Variants in TNIK observed in about 807,000 individuals in gnomAD.
TNIK encodes TRAF2 and NCK interacting kinase.
TNIK carries 49 observed loss-of-function variants against 191.3 expected under a neutral mutation model. That is an observed-to-expected ratio of 0.26 (90% CI 0.20 to 0.32). The LOEUF (loss-of-function observed/expected upper bound fraction) is 0.32, where lower values mean the gene tolerates loss of function less well. TNIK is among the 10% of genes least tolerant of loss of function. The pLI is 1.00. For synonymous variants in TNIK, 594 were observed against 600.9 expected (o/e 0.99, Z 0.17); for missense variants, 1,155 against 1,702.3 (o/e 0.68, Z 5.66).
At chr3:171,416,646 A>C (rs1352209696) in intron 1 of TNIK, among the ~76,000 whole-genome samples, 1 of 152,196 alleles carries the variant, frequency 6.6e-6, no homozygotes, top group Non-Finnish European at 1.5e-5. Flanking sequence ...TTCCATATAT[A>C]TCATGTCCTT....
chr3:171,140,298 G>A (rs1730630043), intron 13 of TNIK, 101 bp downstream of exon 13: 7 of 977,342 alleles, frequency 7.2e-6, no homozygotes, highest in Non-Finnish European at 1.0e-5. Flanking sequence ...AAAAACCCAT[G>A]TAAACTGAGC....
chr3:171,290,359 A>G (rs1287692993), intron 2 of TNIK, among the ~76,000 whole-genome samples: 2 of 152,238 alleles, frequency 1.3e-5, no homozygotes, highest in Non-Finnish European at 2.9e-5. Flanking sequence ...CATTAACTAC[A>G]GAGAGGGTTA....
chr3:171,219,300 T>TTATATATATAATGATGTG (rs1481235796), intron 3 of TNIK, among the ~76,000 whole-genome samples: 1 of 144,596 alleles, frequency 6.9e-6, no homozygotes, highest in African/African-American at 2.5e-5. Context: ...ATATATCATT[T>TTATATATATAATGATGTG]TATATATATA....
chr3:171,156,240 G>T (rs1478353050), intron 12 of TNIK, among the ~76,000 whole-genome samples: 1 of 152,168 alleles, frequency 6.6e-6, no homozygotes. Context: ...ATTGTTGCTG[G>T]TCTGATACTG....
chr3:171,070,447 TGAGAGA>T (rs542262596), intron 29 of TNIK, among the ~76,000 whole-genome samples: 45 of 150,862 alleles, frequency 3.0e-4, no homozygotes, highest in African/African-American at 9.7e-4. Flanking sequence ...AGACATAAGC[TGAGAGA>T]GAGAGAGACA....
At chr3:171,224,206 A>G (rs1045293521) in intron 3 of TNIK, among the ~76,000 whole-genome samples, 6 of 152,186 alleles carry the variant, frequency 3.9e-5, no homozygotes, top group African/African-American at 1.4e-4. Context: ...ACTTCTCTGC[A>G]TCCTGCTGAG....
chr3:171,226,467 C>T (rs1041182393), intron 3 of TNIK, among the ~76,000 whole-genome samples: 2 of 152,160 alleles, frequency 1.3e-5, no homozygotes, highest in African/African-American at 4.8e-5. Context: ...CACTGACATA[C>T]ATCCCTAGGC....
intron 1 of TNIK, among the ~76,000 whole-genome samples, chr3:171,440,168 C>T (rs1168557543): frequency 1.3e-5 from 2 of 152,200 alleles, no homozygotes. Context: ...CTTCCTTTCT[C>T]CACATTTCCT....
At chr3:171,194,023 C>T (rs183316133) in intron 5 of TNIK, among the ~76,000 whole-genome samples, 1 of 152,116 alleles carries the variant, frequency 6.6e-6, no homozygotes, top group East Asian at 1.9e-4. Flanking sequence ...AAGGTAAAAT[C>T]GGTTAAACTA....
intron 2 of TNIK, among the ~76,000 whole-genome samples, chr3:171,310,283 T>C (rs1024778616): frequency 6.6e-6 from 1 of 152,100 alleles, no homozygotes; most frequent in Non-Finnish European, 1.5e-5. Flanking sequence ...GGGCTCATAC[T>C]GAATCTAATG....
intron 2 of TNIK, among the ~76,000 whole-genome samples, chr3:171,257,153 GTATGC>G (rs1746983584): frequency 6.6e-6 from 1 of 152,198 alleles, no homozygotes; most frequent in Non-Finnish European, 1.5e-5. Context: ...GCTCACCACT[GTATGC>G]TACTCTGCCA....
intron 2 of TNIK, among the ~76,000 whole-genome samples, chr3:171,263,882 C>CATGTGTTAATTTCATTTCCTGAAAT: frequency 6.6e-6 from 1 of 151,894 alleles, no homozygotes; most frequent in Non-Finnish European, 1.5e-5. Flanking sequence ...AGGCCTGGCA[C>CATGTGTTAATTTCATTTCCTGAAAT]ACTGGCAGGA....
In TNIK at chr3:171,159,205, TGGA is replaced by T. The variant is rs757605708; in HGVS notation, c.1017-1544_1017-1542del. On this transcript the variant is annotated intron_variant, in intron 11 of 32. Transcript: ENST00000436636. This position sits in a 1 kb window ranked among gnomAD's most constrained non-coding sequence, Gnocchi z 4.1. ...CCACCCAGGGCGAGAGCAGAGCGGG[TGGA>T]GGAGGGAAGGAGCGTTTGGGGATAG... 4.1e-4 allele frequency among the ~76,000 whole-genome samples: 61 copies of T among 150,218 alleles called. No individual in the cohort carries two copies. Among genetic ancestry groups the T allele is most frequent in the Non-Finnish European group, 7.7e-4 (52 of 67,594 alleles).
intron 2 of TNIK, among the ~76,000 whole-genome samples, chr3:171,341,688 A>G (rs1757550213): frequency 6.6e-6 from 1 of 152,112 alleles, no homozygotes. Flanking sequence ...TTCACTAAAC[A>G]CATACCCTGT....
intron 3 of TNIK, among the ~76,000 whole-genome samples, chr3:171,217,675 A>G (rs560135966): frequency 2.6e-5 from 4 of 152,334 alleles, no homozygotes; most frequent in South Asian, 2.1e-4. Flanking sequence ...TTCTGCTACA[A>G]TGAAGCTTAC....
At chr3:171,387,629 C>CAATAA (rs1560008014) in intron 1 of TNIK, among the ~76,000 whole-genome samples, 1 of 152,144 alleles carries the variant, frequency 6.6e-6, no homozygotes, top group Non-Finnish European at 1.5e-5. Context: ...TTTTGTGCAG[C>CAATAA]TGATTATTAA....
intron 1 of TNIK, among the ~76,000 whole-genome samples, chr3:171,448,009 C>A (rs116300750): frequency 0.014 from 2,113 of 152,186 alleles, 48 homozygotes; most frequent in African/African-American, 0.048. Context: ...TTTAAGTACA[C>A]AAACTACTGA....
At chr3:171,102,976 CT>C (rs1723846263) in intron 21 of TNIK, among the ~76,000 whole-genome samples, 1 of 152,306 alleles carries the variant, frequency 6.6e-6, no homozygotes, top group East Asian at 1.9e-4. Flanking sequence ...AAAGGAAACA[CT>C]TTAGGTGTTT....
intron 21 of TNIK, among the ~76,000 whole-genome samples, chr3:171,105,185 C>G (rs988882288): frequency 6.6e-6 from 1 of 152,148 alleles, no homozygotes; most frequent in Non-Finnish European, 1.5e-5. Context: ...CAAAAACAGT[C>G]GTTGAGAGGG....
Sources: gnomAD v4.1 joint callset for allele counts (sites outside exome capture counted in the v4.1 genomes callset) on GRCh38, gnomAD v4.1.1 for gene constraint, Gnocchi (gnomAD v3.1) non-coding constraint, MANE v1.5 for transcripts, NCBI Gene and HGNC (gene_info 2026-07-23, HGNC 2026-07-21) for gene names.